The following CNOT1 variants were observed in gnomAD, a reference collection of about 807,000 sequenced individuals.
CNOT1 encodes the protein CCR4-associated factor 1.
CNOT1 carries 15 observed loss-of-function variants against 273.8 expected under a neutral mutation model. The ratio of observed to expected loss-of-function variants is 0.05; its 90% CI spans 0.04 to 0.08. The LOEUF (loss-of-function observed/expected upper bound fraction) is 0.08, where lower values mean the gene tolerates loss of function less well. CNOT1 is among the 10% of genes least tolerant of loss of function. CNOT1 has a pLI of 1.00. For missense variants in CNOT1, 1,644 were observed against 2,912.2 expected (o/e 0.56, Z 10.02); for synonymous variants, 1,022 against 1,005.5 (o/e 1.02, Z -0.31).
Position 58,604,997 on chromosome 16 carries a change from G to A in CNOT1, c.-174-5486C>T, listed in dbSNP as rs4337286. On this transcript the variant is annotated intron_variant, in intron 1 of 48. Coordinates refer to ENST00000317147, the MANE Select transcript of CNOT1 (RefSeq NM_016284.5). ...TAAAAATACAAAAAAGTAGCTGGGCGTGGTGGTGGGCGCCTGTAGTCCCAG... is the reference window on the plus strand; with the variant it reads ...TAAAAATACAAAAAAGTAGCTGGGCATGGTGGTGGGCGCCTGTAGTCCCAG... 1.1e-4 allele frequency among the ~76,000 whole-genome samples: 16 copies of A among 151,876 alleles called. No homozygotes were observed. The East Asian group carries it at 2.1e-3, about 20-fold the overall frequency.
chr16:58,581,216 C>G (rs1304094388), intron 11 of CNOT1, 129 bp downstream of exon 11: 2 of 1,075,846 alleles, frequency 1.9e-6, no homozygotes, highest in African/African-American at 1.6e-5. Context: ...ATGGACAGTC[C>G]TTGCTTTTCT....
At chr16:58,570,502 G>A (rs974719721) in intron 16 of CNOT1, among the ~76,000 whole-genome samples, 2 of 152,120 alleles carry the variant, frequency 1.3e-5, no homozygotes, top group Non-Finnish European at 2.9e-5. Context: ...TATCAGGTGT[G>A]GTGGCACATG....
rs375581665 is a variant in CNOT1 at position 58,560,666 on chromosome 16, C to A, written c.1980-304G>T. Among the ~76,000 whole-genome samples the A allele has an allele frequency of 2.8e-4, 42 of 152,202 alleles. No individual in the cohort carries two copies. The East Asian group carries it at 7.9e-3, about 29-fold the overall frequency. ...GGCTGAGGCGGAAGGATTGCTTGAGCCAGGAGTTTGAGGCCAACCTGGGCA... is the reference window on the plus strand; with the variant it reads ...GGCTGAGGCGGAAGGATTGCTTGAGACAGGAGTTTGAGGCCAACCTGGGCA... On this transcript the variant is annotated intron_variant, in intron 16 of 48. Transcript: ENST00000317147.
chr16:58,585,266 A>G (rs1597512593), intron 8 of CNOT1, 72 bp downstream of exon 8: 6 of 1,580,260 alleles, frequency 3.8e-6, no homozygotes, highest in Non-Finnish European at 5.1e-6. Context: ...GGAATTTTAG[A>G]GACTTTTTTT....
In CNOT1 at chr16:58,580,656, A is replaced by G. The variant is rs1466596023; in HGVS notation, c.1320T>C (p.Asp440=). The G allele has an allele frequency of 6.2e-7, 1 of 1,611,884 alleles. No individual in the cohort carries two copies. The highest frequency in any genetic ancestry group is 2.2e-5 in the East Asian group (1 of 44,808). The change falls in exon 12 of 49, where the codon GAT becomes GAC. Residue 440 remains aspartate (D), a synonymous_variant. Coordinates refer to ENST00000317147, the MANE Select transcript of CNOT1 (RefSeq NM_016284.5). Reference sequence around the variant, plus strand: ...ACCATGTGGCAATTTCTCGATTGTCATCCTCTGGTGGTGCTTTCAGAATAT... The same window carrying G: ...ACCATGTGGCAATTTCTCGATTGTCGTCCTCTGGTGGTGCTTTCAGAATAT... ...ATDILKAPPE[D]DNREIATWKS... is the part of the protein sequence containing the mutation.
intron 11 of CNOT1, 31 bp downstream of exon 11, chr16:58,581,314 C>A (rs374403459): frequency 7.0e-6 from 11 of 1,564,302 alleles, no homozygotes; most frequent in Non-Finnish European, 9.5e-6. Flanking sequence ...TGTTTTATTC[C>A]CCCATCTATA....
Position 58,543,750 on chromosome 16 carries a change from C to A in CNOT1, c.4291G>T (p.Asp1431Tyr). Residue 1431 changes from aspartate (D) to tyrosine (Y), a missense_variant, in exon 31 of 49, where the codon GAT (aspartate) becomes TAT (tyrosine). Transcript: ENST00000317147. The stretch of plus-strand genomic sequence containing the variant: ...ATTCGCATTCGAGATTCCTCCGAAT[C>A]CAGGGCAAAATCCTTCCTGACTATT... ...EQIVRKDFAL[D>Y]SEESRMRIAA... is the part of the protein sequence containing the mutation. 1.2e-6 allele frequency: 2 copies of A among 1,614,138 alleles called. No individual in the cohort carries two copies. Among genetic ancestry groups the A allele is most frequent in the Non-Finnish European group, 8.5e-7 (1 of 1,180,030 alleles).
intron 2 of CNOT1, among the ~76,000 whole-genome samples, chr16:58,589,327 A>G (rs1012506891): frequency 1.3e-5 from 2 of 152,194 alleles, no homozygotes; most frequent in Non-Finnish European, 2.9e-5. Flanking sequence ...AGCCTGGTCA[A>G]CATGGTGAAA....
chr16:58,530,150 A>G, intron 43 of CNOT1, 96 bp downstream of exon 43: 1 of 934,588 alleles, frequency 1.1e-6, no homozygotes, highest in South Asian at 1.8e-5. Context: ...TCATGCCTCA[A>G]AGGCTTAATA....
At chr16:58,581,666 C>CTTT in intron 10 of CNOT1, 151 bp from the exon 11 acceptor site, 2 of 1,169,582 alleles carry the variant, frequency 1.7e-6, no homozygotes, top group Non-Finnish European at 2.2e-6. Flanking sequence ...CTTTTTTTTT[C>CTTT]TTTTTTTTTT....
At position 58,555,200 on chromosome 16, in the gene CNOT1, C is replaced by G. The variant is rs781671702; in HGVS notation, c.2891+51G>C. On this transcript the variant is annotated intron_variant, in intron 21 of 48. Transcript: ENST00000317147. ...TCCAGCCTGGATGAGAGTTAAGACC[C>G]TGTCTGCGGGGTCAGGGAAGAGATC... 2.5e-6 allele frequency: 4 copies of G among 1,593,256 alleles called. No individual in the cohort carries two copies. In the African/African-American group the frequency reaches 5.4e-5, roughly 21 times the overall value.
Position 58,549,799 on chromosome 16 carries a change from G to A in CNOT1, c.3442C>T (p.Leu1148=), listed in dbSNP as rs758765199. The change falls in exon 25 of 49, where the codon CTG becomes TTG. Residue 1148 remains leucine, a synonymous_variant. Coordinates refer to ENST00000317147, the MANE Select transcript of CNOT1 (RefSeq NM_016284.5). ...RVSIEPNFHS[L]YSNFLDTLKN... ...AGCGTGTCAAGGAAGTTTGAATACAGGCTATGAAAGTTTGGCTCAATACTG... is the reference window on the plus strand; with the variant it reads ...AGCGTGTCAAGGAAGTTTGAATACAAGCTATGAAAGTTTGGCTCAATACTG... The A allele has an allele frequency of 2.7e-5, 44 of 1,613,900 alleles. No homozygotes were observed. In the Admixed American group the frequency reaches 7.3e-4, roughly 27 times the overall value.
intron 21 of CNOT1, among the ~76,000 whole-genome samples, chr16:58,554,232 C>G (rs932351466): frequency 6.7e-6 from 1 of 149,886 alleles, no homozygotes; most frequent in Non-Finnish European, 1.5e-5. Flanking sequence ...ACTACTGAAA[C>G]GTAGTAACGT....
rs2039357577 is a variant in CNOT1 at position 58,521,298 on chromosome 16, T to C, written c.6937A>G (p.Ile2313Val). The C allele has an allele frequency of 6.2e-7, 1 of 1,610,992 alleles. No homozygotes were observed. Among genetic ancestry groups the C allele is most frequent in the African/African-American group, 1.3e-5 (1 of 74,624 alleles). ...QITRVLLERLIVNRPHPWGLL... is the reference protein window; with the variant it reads ...QITRVLLERLVVNRPHPWGLL... ...CCCCAAGGATGTGGCCTATTTACAA[T>C]CAACCGTTCCAAGAGAACTCTGGAA... The change falls in exon 48 of 49, where the codon ATT becomes GTT. Residue 2313 changes from isoleucine (I) to valine (V), a missense_variant. By Grantham distance (29) the Ile-to-Val change is conservative. Transcript: ENST00000317147.
At chr16:58,562,094 G>A (rs1475042976) in intron 16 of CNOT1, among the ~76,000 whole-genome samples, 1 of 151,954 alleles carries the variant, frequency 6.6e-6, no homozygotes, top group African/African-American at 2.4e-5. Flanking sequence ...CAGCTACTCA[G>A]GAGGCTGAGG....
intron 43 of CNOT1, among the ~76,000 whole-genome samples, chr16:58,529,248 A>G (rs911135282): frequency 6.6e-6 from 1 of 152,338 alleles, no homozygotes; most frequent in African/African-American, 2.4e-5. Context: ...GATTTCCTAC[A>G]CAAGTCACAA....
intron 1 of CNOT1, among the ~76,000 whole-genome samples, chr16:58,625,469 A>C (rs2043527916): frequency 6.6e-6 from 1 of 151,988 alleles, no homozygotes; most frequent in African/African-American, 2.4e-5. Flanking sequence ...CAGAGATCAC[A>C]CTATTGCACT....
chr16:58,536,876 T>C (rs2039945756), intron 39 of CNOT1, 113 bp downstream of exon 39: 1 of 1,455,970 alleles, frequency 6.9e-7, no homozygotes, highest in Admixed American at 2.7e-5. Flanking sequence ...TGGGTTTGCA[T>C]GAGTATGGAG....
chr16:58,522,099 C>G (rs2039403868), intron 47 of CNOT1, among the ~76,000 whole-genome samples: 1 of 152,016 alleles, frequency 6.6e-6, no homozygotes, highest in Non-Finnish European at 1.5e-5. Context: ...ACGGGTGGAT[C>G]ACGAGGTCGG....
Sources: gnomAD v4.1 joint callset for allele counts (sites outside exome capture counted in the v4.1 genomes callset) on GRCh38, gnomAD v4.1.1 for gene constraint, MANE v1.5 for transcripts, NCBI Gene and HGNC (gene_info 2026-07-23, HGNC 2026-07-21) for gene names.